Variants in SCFD1 observed in about 807,000 individuals in gnomAD.
The protein encoded by SCFD1 is sec1 family domain-containing protein 1.
Under a neutral mutation model 103.2 loss-of-function variants are expected in SCFD1, and 37 were observed. The ratio of observed to expected loss-of-function variants is 0.36; its 90% CI spans 0.28 to 0.47. The LOEUF (loss-of-function observed/expected upper bound fraction) is 0.47. SCFD1 is among the 20% of genes least tolerant of loss of function. The probability of loss-of-function intolerance (pLI) is 1.00; values close to 1 mark genes in which losing one functional copy is unlikely to be tolerated. For synonymous variants in SCFD1, 264 were observed against 245.0 expected, an observed-to-expected ratio of 1.08 and a Z score of -0.73; for missense variants, 639 against 761.2, an observed-to-expected ratio of 0.84 and a Z score of 1.89.
chr14:30,630,694 A>G, intron 3 of SCFD1, 129 bp downstream of exon 3: 1 of 595,102 alleles, frequency 1.7e-6, no homozygotes, highest in Non-Finnish European at 2.9e-6. Context: ...TCAACCCCTT[A>G]TTTCTGGGAT....
chr14:30,639,932 T>A, intron 6 of SCFD1, 68 bp downstream of exon 6: 8 of 1,473,780 alleles, frequency 5.4e-6, no homozygotes, highest in Non-Finnish European at 6.3e-6. Context: ...AGAAAAAAAG[T>A]GAATATGTTT....
At chr14:30,711,523 G>T (rs528964132) in intron 19 of SCFD1, among the ~76,000 whole-genome samples, 4 of 152,250 alleles carry the variant, frequency 2.6e-5, no homozygotes, top group Admixed American at 1.3e-4. Flanking sequence ...ACGTGAGCCT[G>T]GGAGATGGAT....
chr14:30,732,515 C>A (rs1566672125), intron 23 of SCFD1, among the ~76,000 whole-genome samples: 2 of 152,148 alleles, frequency 1.3e-5, no homozygotes, highest in South Asian at 4.1e-4. Context: ...GTTTTTTTGT[C>A]CTGAATAATC....
intron 7 of SCFD1, among the ~76,000 whole-genome samples, chr14:30,645,267 G>C (rs1885703143): frequency 6.6e-6 from 1 of 152,152 alleles, no homozygotes; most frequent in Non-Finnish European, 1.5e-5. Context: ...GTCAGGTTGT[G>C]TAATGCTCCC....
chr14:30,667,020 A>G (rs1389334368), intron 10 of SCFD1, among the ~76,000 whole-genome samples: 1 of 152,214 alleles, frequency 6.6e-6, no homozygotes, highest in Admixed American at 6.5e-5. Context: ...ATTCCAGTCA[A>G]TAGAAGAAGA....
intron 9 of SCFD1, among the ~76,000 whole-genome samples, chr14:30,652,655 T>C (rs1003830496): frequency 1.1e-4 from 17 of 152,294 alleles, no homozygotes; most frequent in African/African-American, 3.4e-4. Context: ...AGAAGCAGCT[T>C]ATTATTTTGC....
chr14:30,700,014 A>G (rs1461368050), intron 15 of SCFD1, among the ~76,000 whole-genome samples, 174 bp from the exon 16 acceptor site: 1 of 152,106 alleles, frequency 6.6e-6, no homozygotes, highest in East Asian at 1.9e-4. Flanking sequence ...AATCTTTTCC[A>G]TATTTGTATT....
At chr14:30,678,293 C>T (rs1889206524) in intron 14 of SCFD1, among the ~76,000 whole-genome samples, 1 of 152,014 alleles carries the variant, frequency 6.6e-6, no homozygotes, top group Non-Finnish European at 1.5e-5. Flanking sequence ...AGAAATTAAC[C>T]TTTTTAGAAA....
chr14:30,625,804 G>T (rs562019311), intron 1 of SCFD1, among the ~76,000 whole-genome samples: 1 of 152,118 alleles, frequency 6.6e-6, no homozygotes, highest in African/African-American at 2.4e-5. Flanking sequence ...GCTCAAAGTT[G>T]GAGAAAATCT....
intron 1 of SCFD1, among the ~76,000 whole-genome samples, chr14:30,626,624 G>C (rs998352383): frequency 6.6e-6 from 1 of 152,090 alleles, no homozygotes; most frequent in Non-Finnish European, 1.5e-5. Context: ...TGGTTCTCCT[G>C]CCCAGCGCAT....
At chr14:30,640,725 G>A (rs1238090996) in intron 6 of SCFD1, among the ~76,000 whole-genome samples, 1 of 151,960 alleles carries the variant, frequency 6.6e-6, no homozygotes, top group Non-Finnish European at 1.5e-5. Context: ...GACCAGACAA[G>A]TTTATAATTC....
chr14:30,730,171 CT>C lies in SCFD1; in HGVS notation c.1837-4618del, dbSNP rs1399066433. ...ATGGTTTCCAGCTTCATCTATGTCC[CT>C]ACAAATGACATGAACTCATCCTTTT... On this transcript the variant is annotated intron_variant, in intron 23 of 24. Transcript: ENST00000458591. Among the ~76,000 whole-genome samples, 5 of 152,298 alleles carry C rather than the reference CT, an allele frequency of 3.3e-5. No individual in the cohort carries two copies. The East Asian group carries it at 9.6e-4, about 29-fold the overall frequency.
Position 30,715,932 on chromosome 14 carries a change from T to C in SCFD1, c.1638T>C (p.Pro546=). The change falls in exon 20 of 25, where the codon CCT becomes CCC. Residue 546 remains proline, a synonymous_variant. Coordinates refer to ENST00000458591, the MANE Select transcript of SCFD1 (RefSeq NM_016106.4). ...KNLVLKQQNL[P]VTRILDNLME... The stretch of plus-strand genomic sequence containing the variant: ...AAAATACTTTTCCACAGAATCTACC[T>C]GTTACTCGTATTTTGGACAATCTTA... 1 of 1,545,822 alleles carries C rather than the reference T, an allele frequency of 6.5e-7. No individual in the cohort carries two copies. The highest frequency in any genetic ancestry group is 8.8e-7 in the Non-Finnish European group (1 of 1,133,898).
chr14:30,683,357 G>T, intron 14 of SCFD1: 1 of 578,908 alleles, frequency 1.7e-6, no homozygotes, highest in South Asian at 1.7e-5. Context: ...ACTCTAGTGA[G>T]AGCTTATGCT....
intron 15 of SCFD1, among the ~76,000 whole-genome samples, chr14:30,696,754 G>A (rs567424230): frequency 3.9e-5 from 6 of 152,264 alleles, no homozygotes; most frequent in Admixed American, 6.5e-5. Flanking sequence ...GAGGTGAGAC[G>A]TATGTCTAGG....
In SCFD1 at chr14:30,622,340, TGGCGGC is replaced by T. The variant is rs747473312; in HGVS notation, c.12_17del (p.AlaAla6_?7). The T allele has an allele frequency of 8.2e-6, 13 of 1,576,440 alleles. No individual in the cohort carries two copies. The highest frequency in any genetic ancestry group is 2.3e-5 in the East Asian group (1 of 42,756). ...GGGCAGTGGCTCGTGGGAGCCAAGA[TGGCGGC>T]GGCGGCGGCAGCGACAGCAGCAGCA... On this transcript the variant is annotated start_lost and inframe_deletion, in exon 1 of 25. Transcript: ENST00000458591.
chr14:30,735,115 A>C, intron 24 of SCFD1: 1 of 383,118 alleles, frequency 2.6e-6, no homozygotes, highest in East Asian at 4.3e-5. Context: ...GAAATACAAA[A>C]ATATATGAGA....
intron 23 of SCFD1, among the ~76,000 whole-genome samples, chr14:30,729,990 T>C (rs1893329782): frequency 6.6e-6 from 1 of 152,214 alleles, no homozygotes; most frequent in Non-Finnish European, 1.5e-5. Context: ...GTATATCTCC[T>C]AATGCTTTCT....
intron 11 of SCFD1, among the ~76,000 whole-genome samples, chr14:30,670,823 T>G (rs1335330312): frequency 6.6e-6 from 1 of 152,040 alleles, no homozygotes; most frequent in African/African-American, 2.4e-5. Context: ...GCCTAGAAAT[T>G]TATTCAAAGT....
Sources: allele counts gnomAD v4.1 joint callset (sites outside exome capture counted in the v4.1 genomes callset), GRCh38; gene constraint gnomAD v4.1.1; transcripts MANE v1.5; gene names NCBI Gene and HGNC (gene_info 2026-07-23, HGNC 2026-07-21).